FRMD5: variants seen among roughly 807,000 people sequenced by gnomAD.
FRMD5 encodes the protein FERM domain-containing protein 5.
Under a neutral mutation model 69.0 loss-of-function variants are expected in FRMD5, and 20 were observed. The observed-to-expected ratio is 0.29, with a 90% CI of 0.20 to 0.42. The LOEUF is 0.42. Among genes scored for constraint, FRMD5 ranks in the 10% least tolerant of loss-of-function variants. The pLI is 1.00. For synonymous variants in FRMD5, 271 were observed against 260.1 expected, an observed-to-expected ratio of 1.04 and a Z score of -0.40; for missense variants, 595 against 708.6, an observed-to-expected ratio of 0.84 and a Z score of 1.82.
intron 1 of FRMD5, among the ~76,000 whole-genome samples, chr15:43,971,175 G>T (rs2090370466): frequency 6.6e-6 from 1 of 151,904 alleles, no homozygotes; most frequent in Non-Finnish European, 1.5e-5. Context: ...GGGAGGTGGA[G>T]GTTGCAGTGA....
chr15:44,147,122 G>A (rs1255662897), intron 1 of FRMD5, among the ~76,000 whole-genome samples: 3 of 152,136 alleles, frequency 2.0e-5, no homozygotes, highest in Non-Finnish European at 4.4e-5. Context: ...ATAGTTTTGA[G>A]TTTTACATTT....
At chr15:44,127,793 G>C (rs1595496456) in intron 1 of FRMD5, among the ~76,000 whole-genome samples, 2 of 152,244 alleles carry the variant, frequency 1.3e-5, no homozygotes, top group Middle Eastern at 3.4e-3. Flanking sequence ...GGCCGCTTGA[G>C]CCTGGGAGGT....
chr15:43,888,895 T>C, intron 8 of FRMD5, 23 bp from the exon 9 acceptor site: 1 of 1,606,904 alleles, frequency 6.2e-7, no homozygotes, highest in Non-Finnish European at 8.5e-7. Context: ...AGATAGTGCC[T>C]GTCACCTCAT....
chr15:44,030,191 T>C (rs1360301345), intron 1 of FRMD5, among the ~76,000 whole-genome samples: 3 of 151,986 alleles, frequency 2.0e-5, no homozygotes, highest in Non-Finnish European at 4.4e-5. Context: ...ATTACAACAC[T>C]GATTTTTTTT....
chr15:44,096,465 T>C (rs940939363), intron 1 of FRMD5, among the ~76,000 whole-genome samples: 11 of 150,272 alleles, frequency 7.3e-5, no homozygotes, highest in African/African-American at 2.5e-4. Context: ...TACAATGGTG[T>C]GATCTTGGTT....
chr15:43,884,768 T>C lies in FRMD5; in HGVS notation c.987A>G (p.Glu329=), dbSNP rs371992236. Reference sequence around the variant, plus strand: ...GCTCCCGTTTGATCTTAGCACTTGATTCCATGACTTCCTTTGCAACTCGGC... The same window carrying C: ...GCTCCCGTTTGATCTTAGCACTTGACTCCATGACTTCCTTTGCAACTCGGC... ...YSGRVAKEVM[E]SSAKIKREPP... is the part of the protein sequence containing the mutation. The change falls in exon 12 of 14, where the codon GAA becomes GAG. Residue 329 remains glutamate (E), a synonymous_variant. Coordinates refer to ENST00000417257, the MANE Select transcript of FRMD5 (RefSeq NM_032892.5). 14 of 1,614,032 alleles carry C rather than the reference T, an allele frequency of 8.7e-6. No individual in the cohort carries two copies. Among genetic ancestry groups the C allele is most frequent in the Non-Finnish European group, 1.0e-5 (12 of 1,179,998 alleles).
intron 1 of FRMD5, among the ~76,000 whole-genome samples, chr15:43,953,797 C>A (rs764381181): frequency 3.9e-5 from 6 of 152,184 alleles, no homozygotes; most frequent in Admixed American, 1.3e-4. Flanking sequence ...AGTTAAGACT[C>A]TAGTAATAAA....
At chr15:44,163,776 G>GT (rs1248183117) in intron 1 of FRMD5, among the ~76,000 whole-genome samples, 1 of 152,156 alleles carries the variant, frequency 6.6e-6, no homozygotes, top group East Asian at 1.9e-4. Context: ...TCAGGAAAAG[G>GT]TAAAAACTGC....
chr15:43,985,961 G>A (rs946104438), intron 1 of FRMD5, among the ~76,000 whole-genome samples: 1 of 152,234 alleles, frequency 6.6e-6, no homozygotes, highest in Non-Finnish European at 1.5e-5. Flanking sequence ...CAGTGGGCCT[G>A]AAGGAATGCA....
chr15:43,906,803 G>A (rs560485), intron 5 of FRMD5, among the ~76,000 whole-genome samples: 16,863 of 117,864 alleles, frequency 0.14, 4,475 homozygotes, highest in African/African-American at 0.57. Flanking sequence ...GGGTTTCACC[G>A]TGTTAGCCAG....
intron 6 of FRMD5, among the ~76,000 whole-genome samples, chr15:43,904,028 C>G (rs773322616): frequency 3.3e-5 from 5 of 152,230 alleles, no homozygotes; most frequent in African/African-American, 7.2e-5. Flanking sequence ...GAAGGCACAC[C>G]GAGGGAGAGG....
At chr15:43,926,833 T>C (rs982447900) in intron 1 of FRMD5, among the ~76,000 whole-genome samples, 5 of 150,328 alleles carry the variant, frequency 3.3e-5, no homozygotes, top group Non-Finnish European at 5.9e-5. Flanking sequence ...CCAAGCTAGC[T>C]AAGACCCACT....
chr15:44,178,993 G>T (rs2077950544), intron 1 of FRMD5, among the ~76,000 whole-genome samples: 1 of 151,396 alleles, frequency 6.6e-6, no homozygotes, highest in African/African-American at 2.4e-5. Flanking sequence ...ACTCTGTCTT[G>T]AAATAAATAA....
intron 1 of FRMD5, among the ~76,000 whole-genome samples, chr15:44,094,116 T>C (rs2076516189): frequency 6.6e-6 from 1 of 152,156 alleles, no homozygotes; most frequent in Non-Finnish European, 1.5e-5. Context: ...GTCAGATTTC[T>C]TCTCCTGAGA....
intron 1 of FRMD5, among the ~76,000 whole-genome samples, chr15:43,997,373 G>T (rs1462859584): frequency 6.6e-6 from 1 of 152,084 alleles, no homozygotes; most frequent in Non-Finnish European, 1.5e-5. Flanking sequence ...ACATATTTTT[G>T]ACTCTAGGGA....
chr15:43,875,875 TATG>T (rs2088340132), intron 13 of FRMD5: 1 of 539,456 alleles, frequency 1.9e-6, no homozygotes, highest in South Asian at 1.5e-5. Context: ...ACCATAATAA[TATG>T]ATATCCAAAT....
intron 1 of FRMD5, among the ~76,000 whole-genome samples, chr15:43,962,327 A>T (rs1050536943): frequency 7.2e-5 from 11 of 152,310 alleles, no homozygotes; most frequent in African/African-American, 2.6e-4. Flanking sequence ...AGAATAAAAT[A>T]CCTAGGAATC....
At chr15:43,955,900 G>A (rs904342241) in intron 1 of FRMD5, among the ~76,000 whole-genome samples, 1 of 151,934 alleles carries the variant, frequency 6.6e-6, no homozygotes, top group Admixed American at 6.6e-5. Flanking sequence ...GGATCCATTT[G>A]GGGTTCTGGT....
At chr15:43,891,742 T>C (rs1325151149) in intron 8 of FRMD5, among the ~76,000 whole-genome samples, 1 of 152,082 alleles carries the variant, frequency 6.6e-6, no homozygotes, top group Non-Finnish European at 1.5e-5. Flanking sequence ...TCCCCAGAAA[T>C]CAAACCTCTG....
Sources: allele counts gnomAD v4.1 joint callset (sites outside exome capture counted in the v4.1 genomes callset), GRCh38; gene constraint gnomAD v4.1.1; transcripts MANE v1.5; gene names NCBI Gene and HGNC (gene_info 2026-07-23, HGNC 2026-07-21).